Variants in EPG5 observed in about 807,000 individuals in gnomAD.
The protein encoded by EPG5 is ectopic P-granules 5 autophagy tethering factor.
Under a neutral mutation model 302.7 loss-of-function variants are expected in EPG5, and 159 were observed. The ratio of observed to expected loss-of-function variants is 0.53; its 90% CI spans 0.46 to 0.60. EPG5 has a LOEUF of 0.60. EPG5 is among the 20% of genes least tolerant of loss of function. The pLI is 0.00. For synonymous variants in EPG5, 1,158 were observed against 1,136.8 expected, an observed-to-expected ratio of 1.02 and a Z score of -0.37; for missense variants, 2,896 against 3,092.4, an observed-to-expected ratio of 0.94 and a Z score of 1.51.
At chr18:45,908,269 T>C (rs919302107) in intron 23 of EPG5, among the ~76,000 whole-genome samples, 188 bp from the exon 24 acceptor site, 2 of 152,100 alleles carry the variant, frequency 1.3e-5, no homozygotes, top group Admixed American at 1.3e-4. Flanking sequence ...CGTCACAGAT[T>C]ATTCAAATAT....
chr18:45,916,724 G>A lies in EPG5; in HGVS notation c.3240-142C>T, dbSNP rs373290999. 4 of 825,150 alleles carry A rather than the reference G, an allele frequency of 4.8e-6. No individual in the cohort carries two copies. The South Asian group carries it at 6.5e-5, about 13-fold the overall frequency. 51.1% of individuals were successfully genotyped at this position (825,150 alleles called of 1,614,324 possible). A position where few individuals can be genotyped will look rare whatever the true frequency, so the allele number is the denominator to read the frequency against. ...CACTATTTAAGAAGGGATTCTAGAA[G>A]AATAAAGTTTTCACATTTAACATGG... On this transcript the variant is annotated intron_variant, in intron 17 of 43. Coordinates refer to ENST00000282041, the MANE Select transcript of EPG5 (RefSeq NM_020964.3).
rs199541208 is a variant in EPG5 at position 45,922,574 on chromosome 18, T to G, written c.2865A>C (p.Arg955=). The G allele has an allele frequency of 5.0e-6, 8 of 1,614,222 alleles. No individual in the cohort carries two copies. In the East Asian group the frequency reaches 1.8e-4, roughly 36 times the overall value. ...KQVSYLASIV[R]YGETPETSFN... The stretch of plus-strand genomic sequence containing the variant: ...ATGAGGTCTCGGGTGTCTCTCCATA[T>G]CGAACAATACTGGCCAAATATGAAA... Residue 955 remains arginine, a synonymous_variant, in exon 16 of 44, where the codon CGA becomes CGC. Transcript: ENST00000282041.
At position 45,858,760 on chromosome 18, in the gene EPG5, T is replaced by C. The variant is rs1440229823; in HGVS notation, c.7032A>G (p.Gly2344=). The change falls in exon 41 of 44, where the codon GGA becomes GGG. Residue 2344 remains glycine, a synonymous_variant. Coordinates refer to ENST00000282041, the MANE Select transcript of EPG5 (RefSeq NM_020964.3). ...GAAGGGATACCAGAATGGGTCCCCA[T>C]CCTGAATTCTGATTGAGAGGGCCTA... The part of the protein sequence containing the change: ...FKESPLNQNS[G]WGPILVSLQV... The C allele has an allele frequency of 2.5e-6, 4 of 1,613,894 alleles. No homozygotes were observed. Among genetic ancestry groups the C allele is most frequent in the Non-Finnish European group, 3.4e-6 (4 of 1,179,896 alleles).
the EPG5 span, among the ~76,000 whole-genome samples, chr18:45,805,307 G>A: frequency 8.6e-5 from 13 of 151,862 alleles, no homozygotes; most frequent in African/African-American, 2.7e-4. Context: ...AATGTACTGT[G>A]ATAATGTAAG....
chr18:45,857,530 G>A (rs969457940), intron 42 of EPG5, among the ~76,000 whole-genome samples: 17 of 152,066 alleles, frequency 1.1e-4, no homozygotes, highest in Admixed American at 9.8e-4. Flanking sequence ...AACTATGCTC[G>A]CATACCGTCC....
At chr18:45,941,594 G>T (rs2050669528) in intron 9 of EPG5, among the ~76,000 whole-genome samples, 1 of 152,262 alleles carries the variant, frequency 6.6e-6, no homozygotes, top group African/African-American at 2.4e-5. Context: ...ATACACTACA[G>T]CTGTTATTTA....
At chr18:45,910,011 A>AGT in intron 23 of EPG5, among the ~76,000 whole-genome samples, 1 of 152,200 alleles carries the variant, frequency 6.6e-6, no homozygotes, top group Middle Eastern at 3.4e-3. Context: ...TTTGTAACAG[A>AGT]GTCTCACTCT....
At chr18:45,830,609 G>A in the EPG5 span, among the ~76,000 whole-genome samples, 5 of 47,098 alleles carry the variant, frequency 1.1e-4, no homozygotes, top group East Asian at 1.1e-3. Context: ...TTTTTGAGAC[G>A]GAGTCTCGCT....
intron 36 of EPG5, among the ~76,000 whole-genome samples, chr18:45,868,943 T>C (rs2048810953): frequency 6.6e-6 from 1 of 151,166 alleles, no homozygotes; most frequent in African/African-American, 2.4e-5. Context: ...TAGTCCCAGC[T>C]ACTTGGGAGG....
intron 30 of EPG5, among the ~76,000 whole-genome samples, chr18:45,883,025 A>AG (rs1270526492): frequency 6.6e-6 from 1 of 151,934 alleles, no homozygotes; most frequent in East Asian, 1.9e-4. Context: ...AAAAAAAAAA[A>AG]AAAAAAGTAG....
At chr18:45,937,293 CAT>C (rs1388981355) in intron 10 of EPG5, among the ~76,000 whole-genome samples, 20 of 149,182 alleles carry the variant, frequency 1.3e-4, no homozygotes, top group Non-Finnish European at 2.7e-4. Flanking sequence ...TATACACACA[CAT>C]ACACGTATAT....
At chr18:45,875,606 G>T (rs143313303) in intron 35 of EPG5, among the ~76,000 whole-genome samples, 1 of 151,934 alleles carries the variant, frequency 6.6e-6, no homozygotes, top group Non-Finnish European at 1.5e-5. Context: ...CCATAATAAA[G>T]CAAAAAAAGA....
chr18:45,837,702 G>A, the EPG5 span: 2 of 1,480,396 alleles, frequency 1.4e-6, no homozygotes, highest in Non-Finnish European at 8.9e-7. Context: ...GCGCGGGGCA[G>A]CGAGCTCTGC....
At chr18:45,827,940 C>T in the EPG5 span, among the ~76,000 whole-genome samples, 1 of 152,234 alleles carries the variant, frequency 6.6e-6, no homozygotes, top group Non-Finnish European at 1.5e-5. Context: ...TTACTGAGTG[C>T]AGCCAAGCCA....
intron 26 of EPG5, among the ~76,000 whole-genome samples, chr18:45,899,908 A>T (rs1490218178): frequency 2.0e-5 from 3 of 152,234 alleles, no homozygotes. Flanking sequence ...TGCCTTAATT[A>T]TAAGTACCAA....
intron 35 of EPG5, among the ~76,000 whole-genome samples, chr18:45,875,196 C>A (rs1316941633): frequency 6.6e-6 from 1 of 152,172 alleles, no homozygotes; most frequent in Non-Finnish European, 1.5e-5. Context: ...ACACCCTCAG[C>A]CTAGGCCTTA....
At chr18:45,937,660 G>A (rs532778594) in intron 10 of EPG5, among the ~76,000 whole-genome samples, 1 of 152,224 alleles carries the variant, frequency 6.6e-6, no homozygotes, top group East Asian at 1.9e-4. Context: ...GCCCACCTCA[G>A]CCTACCAAAG....
intron 13 of EPG5, among the ~76,000 whole-genome samples, chr18:45,927,040 T>C (rs2050287349): frequency 6.6e-6 from 1 of 150,574 alleles, no homozygotes; most frequent in Non-Finnish European, 1.5e-5. Flanking sequence ...CTTTTCTTTT[T>C]TTTTTTTTTT....
intron 6 of EPG5, among the ~76,000 whole-genome samples, chr18:45,947,143 G>C (rs182228395): frequency 1.5e-3 from 221 of 152,308 alleles, no homozygotes; most frequent in African/African-American, 5.1e-3. Context: ...GGCTGGGCGT[G>C]GTGGCTCACG....
Sources: gnomAD v4.1 joint callset for allele counts (sites outside exome capture counted in the v4.1 genomes callset) on GRCh38, gnomAD v4.1.1 for gene constraint, MANE v1.5 for transcripts, NCBI Gene and HGNC (gene_info 2026-07-23, HGNC 2026-07-21) for gene names.